The following XIRP2 variants were observed in gnomAD, a reference collection of about 807,000 sequenced individuals.
The protein encoded by XIRP2 is xin actin binding repeat containing 2.
XIRP2 carries 236 observed loss-of-function variants against 277.0 expected under a neutral mutation model. The observed-to-expected ratio is 0.85, with a 90% CI of 0.77 to 0.95. The LOEUF (loss-of-function observed/expected upper bound fraction) is 0.95. Ranked by LOEUF, XIRP2 falls within the 40% of genes least tolerant of loss-of-function variation. The probability of loss-of-function intolerance (pLI) is 0.00; values close to 1 mark genes in which losing one functional copy is unlikely to be tolerated. For missense variants in XIRP2, 4,640 were observed against 4,157.5 expected (o/e 1.12, Z -3.19); for synonymous variants, 1,490 against 1,416.5 (o/e 1.05, Z -1.17).
intron 2 of XIRP2, among the ~76,000 whole-genome samples, chr2:167,120,551 T>C (rs528096312): frequency 2.0e-5 from 3 of 152,254 alleles, no homozygotes; most frequent in African/African-American, 7.2e-5. Flanking sequence ...ACCTCCTATC[T>C]GTGGTCAAGG....
chr2:166,888,585 C>A (rs1221755119), intron 1 of XIRP2, 28 bp downstream of exon 1: 2 of 152,118 alleles, frequency 1.3e-5, no homozygotes, highest in Non-Finnish European at 2.9e-5. Context: ...AAAACCACTT[C>A]TTTCATAATT....
At chr2:167,241,977 A>G in intron 8 of XIRP2, 67 bp downstream of exon 8, 1 of 1,466,920 alleles carries the variant, frequency 6.8e-7, no homozygotes, top group Non-Finnish European at 9.0e-7. Context: ...TAACATTTTC[A>G]AATTATTGAA....
intron 9 of XIRP2, among the ~76,000 whole-genome samples, 190 bp downstream of exon 9, chr2:167,252,137 T>TTCTGTTC (rs1695530517): frequency 6.6e-6 from 1 of 151,998 alleles, no homozygotes; most frequent in African/African-American, 2.4e-5. Flanking sequence ...CACAAAAGCA[T>TTCTGTTC]AGAGTATGAT....
At chr2:167,162,992 T>C (rs1692414749) in intron 3 of XIRP2, among the ~76,000 whole-genome samples, 1 of 152,196 alleles carries the variant, frequency 6.6e-6, no homozygotes, top group Non-Finnish European at 1.5e-5. Flanking sequence ...TAAATGTTGT[T>C]TATATCAGAA....
Position 167,241,769 on chromosome 2 carries a change from G to C in XIRP2, c.1043-8G>C. The C allele has an allele frequency of 6.3e-7, 1 of 1,597,872 alleles. No homozygotes were observed. Among genetic ancestry groups the C allele is most frequent in the South Asian group, 1.1e-5 (1 of 87,826 alleles). On this transcript the variant is annotated splice_polypyrimidine_tract_variant and splice_region_variant and intron_variant, in intron 7 of 10. Transcript: ENST00000409195. ...CATAGTAACCCTGGTGTGTTTTTCT[G>C]TTTGTAGTCATTGATACACCTGAGG...
At chr2:167,208,683 G>T (rs542487199) in intron 3 of XIRP2, among the ~76,000 whole-genome samples, 94 of 152,030 alleles carry the variant, frequency 6.2e-4, no homozygotes, top group Non-Finnish European at 9.1e-4. Flanking sequence ...AAATAATATT[G>T]GGCATTTTGT....
At chr2:167,167,286 G>A (rs989744663) in intron 3 of XIRP2, among the ~76,000 whole-genome samples, 3 of 151,940 alleles carry the variant, frequency 2.0e-5, no homozygotes, top group African/African-American at 4.8e-5. Flanking sequence ...GATCTACTCT[G>A]ACGATCTCTG....
chr2:167,183,148 G>A (rs917296030), intron 3 of XIRP2, among the ~76,000 whole-genome samples: 2 of 152,160 alleles, frequency 1.3e-5, no homozygotes, highest in African/African-American at 4.8e-5. Flanking sequence ...AGCAGTAGAA[G>A]GGCTTTGTAT....
chr2:167,078,837 C>CA (rs71031277), intron 2 of XIRP2, among the ~76,000 whole-genome samples: 16,405 of 127,050 alleles, frequency 0.13, 1,827 homozygotes, highest in African/African-American at 0.32. Flanking sequence ...GACTCCGTCT[C>CA]AAAAAAAAAA....
chr2:166,892,251 T>C (rs893515977), intron 1 of XIRP2, among the ~76,000 whole-genome samples: 1 of 152,160 alleles, frequency 6.6e-6, no homozygotes, highest in African/African-American at 2.4e-5. Flanking sequence ...CTAGTTGGTA[T>C]TGTACTTGTT....
At chr2:167,191,525 T>C (rs1693335552) in intron 3 of XIRP2, among the ~76,000 whole-genome samples, 1 of 152,202 alleles carries the variant, frequency 6.6e-6, no homozygotes. Flanking sequence ...AGTAGCTTTT[T>C]GTGGCTTTTC....
chr2:167,224,630 G>A (rs1409346117), intron 5 of XIRP2, among the ~76,000 whole-genome samples: 2 of 151,908 alleles, frequency 1.3e-5, no homozygotes, highest in Non-Finnish European at 2.9e-5. Flanking sequence ...ATAATAACAG[G>A]TCATTTTAAG....
chr2:166,926,294 C>T (rs1170389941), intron 2 of XIRP2, among the ~76,000 whole-genome samples: 3 of 151,996 alleles, frequency 2.0e-5, no homozygotes, highest in Non-Finnish European at 4.4e-5. Context: ...CATTATTGTG[C>T]CAACTGTAAA....
chr2:167,206,263 T>G (rs1016120656), intron 3 of XIRP2, among the ~76,000 whole-genome samples: 1 of 152,154 alleles, frequency 6.6e-6, no homozygotes, highest in Non-Finnish European at 1.5e-5. Context: ...TTTTGGCAAT[T>G]TTTTTTCTTC....
At chr2:166,888,856 T>A (rs1684023544) in intron 1 of XIRP2, among the ~76,000 whole-genome samples, 1 of 152,142 alleles carries the variant, frequency 6.6e-6, no homozygotes, top group Non-Finnish European at 1.5e-5. Flanking sequence ...TCAAAACACG[T>A]AAGTTTGGCT....
At chr2:167,070,228 C>T (rs994319477) in intron 2 of XIRP2, among the ~76,000 whole-genome samples, 2 of 152,120 alleles carry the variant, frequency 1.3e-5, no homozygotes, top group South Asian at 4.1e-4. Context: ...ATTTGGATCC[C>T]TCCAATGTCT....
intron 2 of XIRP2, among the ~76,000 whole-genome samples, chr2:166,940,167 A>G (rs1417893456): frequency 6.6e-6 from 1 of 151,816 alleles, no homozygotes; most frequent in African/African-American, 2.4e-5. Flanking sequence ...TTTTCTCTAA[A>G]CTTCTCTTCT....
intron 3 of XIRP2, among the ~76,000 whole-genome samples, chr2:167,183,722 T>C (rs1693081890): frequency 6.6e-6 from 1 of 152,158 alleles, no homozygotes; most frequent in Admixed American, 6.5e-5. Flanking sequence ...AATTTAAGTA[T>C]CTACAACACC....
At position 167,144,457 on chromosome 2, in the gene XIRP2, C is replaced by T. The variant is rs1020613889; in HGVS notation, c.562+8395C>T. 9.2e-5 allele frequency among the ~76,000 whole-genome samples: 14 copies of T among 152,052 alleles called. No homozygotes were observed. In the East Asian group the frequency reaches 2.3e-3, roughly 25 times the overall value. ...ATAACTTTGTACTGGCTAAGACAAA[C>T]AGCCAGTCGTTCTATTTTTTGAAGA... is the stretch of plus-strand genomic sequence containing the variant. On this transcript the variant is annotated intron_variant, in intron 3 of 10. Transcript: ENST00000409195.
Sources: gnomAD v4.1 joint callset for allele counts (sites outside exome capture counted in the v4.1 genomes callset) on GRCh38, gnomAD v4.1.1 for gene constraint, MANE v1.5 for transcripts, NCBI Gene and HGNC (gene_info 2026-07-23, HGNC 2026-07-21) for gene names.